STARD8: variants seen among roughly 807,000 people sequenced by gnomAD.
STARD8 encodes stAR-related lipid transfer protein 8.
Under a neutral mutation model 69.4 loss-of-function variants are expected in STARD8, and 25 were observed. The ratio of observed to expected loss-of-function variants is 0.36; its 90% CI spans 0.26 to 0.50. The LOEUF is 0.50. Ranked by LOEUF, STARD8 falls within the 20% of genes least tolerant of loss-of-function variation. The probability of loss-of-function intolerance (pLI) is 0.96; values close to 1 mark genes in which losing one functional copy is unlikely to be tolerated. For synonymous variants in STARD8, 389 were observed against 374.6 expected (o/e 1.04, Z -0.45); for missense variants, 921 against 932.5 (o/e 0.99, Z 0.16).
chrX:68,710,896 A>T (rs2080044411), intron 2 of STARD8, among the ~76,000 whole-genome samples: 1 of 112,083 alleles, frequency 8.9e-6, no homozygotes, highest in Admixed American at 9.4e-5. Flanking sequence ...TAAGATGGGG[A>T]AAGGGTCTCA....
In STARD8 at chrX:68,717,444, G is replaced by T. The variant is rs780489828; in HGVS notation, c.530G>T (p.Arg177Leu). 4 of 1,209,907 alleles carry T rather than the reference G, an allele frequency of 3.3e-6. No individual in the cohort carries two copies. Among genetic ancestry groups the T allele is most frequent in the East Asian group, 3.0e-5 (1 of 33,809 alleles). Residue 177 changes from arginine to leucine, a missense_variant, in exon 6 of 15, where the codon CGT (arginine) becomes CTT (leucine). Transcript: ENST00000374599. Reference sequence around the variant, plus strand: ...CCAGCAGACTTGCCCTTGCCAGGCCGTGCCCCCAGCTCGAGTGACCGGCCC... The same window carrying T: ...CCAGCAGACTTGCCCTTGCCAGGCCTTGCCCCCAGCTCGAGTGACCGGCCC... ...PEPADLPLPGRAPSSSDRPLL... is the reference protein window; with the variant it reads ...PEPADLPLPGLAPSSSDRPLL...
intron 2 of STARD8, among the ~76,000 whole-genome samples, chrX:68,694,519 T>G (rs1183371827): frequency 8.9e-6 from 1 of 111,747 alleles, no homozygotes; most frequent in East Asian, 2.8e-4. Flanking sequence ...CTGACACTTG[T>G]GAAAGTTGCG....
chrX:68,684,981 C>A (rs1218898405), intron 2 of STARD8, among the ~76,000 whole-genome samples: 2 of 112,418 alleles, frequency 1.8e-5, no homozygotes, highest in Non-Finnish European at 3.8e-5. Flanking sequence ...GCATGAAGAT[C>A]AACATGTTAA....
intron 1 of STARD8, among the ~76,000 whole-genome samples, chrX:68,650,200 G>A (rs2147863532): frequency 9.0e-6 from 1 of 111,013 alleles, no homozygotes; most frequent in South Asian, 3.9e-4. Context: ...AATGCGAGAG[G>A]ATTGATTGAG....
At chrX:68,708,582 T>C (rs757304226) in intron 2 of STARD8, among the ~76,000 whole-genome samples, 96 of 111,574 alleles carry the variant, frequency 8.6e-4, no homozygotes, top group Non-Finnish European at 1.6e-3. Flanking sequence ...TGAGGCCTGA[T>C]TGGACTCTGG....
At position 68,718,606 on chromosome X, in the gene STARD8, G is replaced by A. The variant is rs2080119655; in HGVS notation, c.1692G>A (p.Gly564=). ...MPRERRDSGV[G]ASLTRPCRKL... is the part of the protein sequence containing the mutation. ...GTGAACGGCGCGATTCAGGTGTTGG[G>A]GCCTCACTTACCAGACCCTGCAGGT... The change falls in exon 6 of 15, where the codon GGG becomes GGA. Residue 564 remains glycine, a synonymous_variant. Coordinates refer to ENST00000374599, the MANE Select transcript of STARD8 (RefSeq NM_001142503.3). 1.0e-5 allele frequency: 12 copies of A among 1,204,006 alleles called. No individual in the cohort carries two copies. Among genetic ancestry groups the A allele is most frequent in the Non-Finnish European group, 1.2e-5 (11 of 891,453 alleles).
chrX:68,648,065 G>C, intron 1 of STARD8, 138 bp downstream of exon 1: 1 of 770,996 alleles, frequency 1.3e-6, no homozygotes, highest in Non-Finnish European at 1.9e-6. Flanking sequence ...AGAAAGGCTT[G>C]GGTTCAAGTC....
intron 2 of STARD8, among the ~76,000 whole-genome samples, chrX:68,709,359 C>T (rs770555563): frequency 5.3e-5 from 6 of 112,667 alleles, no homozygotes; most frequent in Admixed American, 9.3e-5. Context: ...CACAGGGGAA[C>T]GCAGCAGCTG....
intron 2 of STARD8, among the ~76,000 whole-genome samples, chrX:68,670,423 A>G (rs983321591): frequency 2.7e-5 from 3 of 111,550 alleles, no homozygotes; most frequent in African/African-American, 9.8e-5. Context: ...GATGGGGGGA[A>G]GGATTTCCAG....
At chrX:68,706,393 C>A (rs760632225) in intron 2 of STARD8, among the ~76,000 whole-genome samples, 28 of 111,873 alleles carry the variant, frequency 2.5e-4, no homozygotes, top group Non-Finnish European at 4.9e-4. Flanking sequence ...GAGAGAGGCA[C>A]CAGTGAACTG....
At chrX:68,705,702 C>T (rs1445611123) in intron 2 of STARD8, among the ~76,000 whole-genome samples, 1 of 112,438 alleles carries the variant, frequency 8.9e-6, no homozygotes, top group African/African-American at 3.2e-5. Flanking sequence ...GTCAACCTTC[C>T]TTTGTCTGGG....
At chrX:68,708,654 AG>A (rs770186802) in intron 2 of STARD8, among the ~76,000 whole-genome samples, 12 of 111,459 alleles carry the variant, frequency 1.1e-4, no homozygotes, top group African/African-American at 3.9e-4. Flanking sequence ...CCCCTCCCCC[AG>A]GGGCTTAAGT....
Position 68,665,536 on chromosome X carries a change from A to G in STARD8, c.79+4A>G, listed in dbSNP as rs1343159727. On this transcript the variant is annotated splice_donor_region_variant and intron_variant, in intron 2 of 14. Transcript: ENST00000374599. ...CTGCAGGTGAAGAAGAACGCTGGTA[A>G]GTACACGAGGTGGGCATTGCAAGTG... 1 of 1,206,289 alleles carries G rather than the reference A, an allele frequency of 8.3e-7. No homozygotes were observed. The highest frequency in any genetic ancestry group is 1.1e-6 in the Non-Finnish European group (1 of 893,376).
chrX:68,715,437 A>T, intron 4 of STARD8, 62 bp downstream of exon 4: 3 of 995,151 alleles, frequency 3.0e-6, no homozygotes, highest in Non-Finnish European at 4.1e-6. Flanking sequence ...TCCTCGTGGA[A>T]AAAAACATCC....
chrX:68,709,175 T>C (rs1049970016), intron 2 of STARD8, among the ~76,000 whole-genome samples: 1 of 112,615 alleles, frequency 8.9e-6, no homozygotes, highest in African/African-American at 3.2e-5. Flanking sequence ...TTACATTCTC[T>C]AGATTCCTGT....
chrX:68,713,121 G>T, intron 3 of STARD8, 136 bp downstream of exon 3: 1 of 600,205 alleles, frequency 1.7e-6, no homozygotes, highest in Non-Finnish European at 2.6e-6. Flanking sequence ...TTTTTTTCAG[G>T]GACTTTGCTC....
In STARD8 at chrX:68,647,752, C is replaced by T. The variant is rs929483255; in HGVS notation, c.-131C>T. The T allele has an allele frequency of 2.6e-5, 22 of 844,851 alleles. No homozygotes were observed. In the East Asian group the frequency reaches 5.3e-4, roughly 20 times the overall value. The allele number at this position is 844,851 out of a possible 1,213,427, so 69.6% of individuals were successfully genotyped here. ...GCTCTCCGCCTCTCCCCTCGCGGGGCCGGCTCATGGAGCGCAGGGACCGGG... is the reference window on the plus strand; with the variant it reads ...GCTCTCCGCCTCTCCCCTCGCGGGGTCGGCTCATGGAGCGCAGGGACCGGG... On this transcript the variant is annotated 5_prime_UTR_variant, in exon 1 of 15. Coordinates refer to ENST00000374599, the MANE Select transcript of STARD8 (RefSeq NM_001142503.3).
chrX:68,714,708 A>G (rs765299828), intron 3 of STARD8, among the ~76,000 whole-genome samples: 3 of 112,360 alleles, frequency 2.7e-5, no homozygotes, highest in South Asian at 3.7e-4. Flanking sequence ...TCAATTGGAT[A>G]CTCATTAGTT....
intron 1 of STARD8, among the ~76,000 whole-genome samples, chrX:68,662,024 CTTTT>C (rs2079653953): frequency 1.6e-5 from 1 of 60,655 alleles, no homozygotes; most frequent in African/African-American, 5.8e-5. Flanking sequence ...TTCTTTCTTT[CTTTT>C]TGGAGTTTCG....
Sources: allele counts gnomAD v4.1 joint callset (sites outside exome capture counted in the v4.1 genomes callset), GRCh38; gene constraint gnomAD v4.1.1; transcripts MANE v1.5; gene names NCBI Gene and HGNC (gene_info 2026-07-23, HGNC 2026-07-21).